The following CEP112 variants were observed in gnomAD, a reference collection of about 807,000 sequenced individuals.
CEP112 encodes the protein centrosomal protein 112, also known as centrosomal protein of 112 kDa.
Under a neutral mutation model 153.0 loss-of-function variants are expected in CEP112, and 127 were observed. That is an observed-to-expected ratio of 0.83 (90% CI 0.72 to 0.96). CEP112 has a LOEUF of 0.96. Ranked by LOEUF, CEP112 falls within the 40% of genes least tolerant of loss-of-function variation. The pLI is 0.00. For missense variants in CEP112, 1,089 were observed against 1,101.2 expected (o/e 0.99, Z 0.16); for synonymous variants, 358 against 374.4 (o/e 0.96, Z 0.51).
chr17:65,835,979 G>A (rs150548522), intron 21 of CEP112, among the ~76,000 whole-genome samples: 76 of 152,258 alleles, frequency 5.0e-4, no homozygotes, highest in African/African-American at 1.8e-3. Flanking sequence ...GTGGTGAAGG[G>A]GATGCTGTTA....
At chr17:66,050,993 A>G (rs2066414269) in intron 12 of CEP112, among the ~76,000 whole-genome samples, 1 of 151,974 alleles carries the variant, frequency 6.6e-6, no homozygotes, top group South Asian at 2.1e-4. Flanking sequence ...CAAATGTGTT[A>G]ATTTTTTCTT....
At chr17:65,754,054 T>C (rs530470001) in intron 21 of CEP112, among the ~76,000 whole-genome samples, 6 of 152,136 alleles carry the variant, frequency 3.9e-5, no homozygotes, top group Non-Finnish European at 7.4e-5. Context: ...ATCTAGAGAG[T>C]AAACAAAGTA....
At chr17:65,992,852 C>T (rs969739349) in intron 17 of CEP112, among the ~76,000 whole-genome samples, 37 of 152,206 alleles carry the variant, frequency 2.4e-4, no homozygotes, top group African/African-American at 8.7e-4. Context: ...CTAGCTCTCC[C>T]TGTCTACCAA....
At chr17:65,833,390 C>T (rs930202509) in intron 21 of CEP112, among the ~76,000 whole-genome samples, 10 of 152,178 alleles carry the variant, frequency 6.6e-5, no homozygotes, top group East Asian at 3.9e-4. Context: ...AAAGGACATC[C>T]GAATAAGAAA....
intron 16 of CEP112, among the ~76,000 whole-genome samples, chr17:66,024,663 A>G (rs893681593): frequency 4.6e-5 from 7 of 152,182 alleles, no homozygotes; most frequent in African/African-American, 1.7e-4. Context: ...AAACAAATGG[A>G]AAAACATCTC....
At chr17:65,924,655 G>A (rs2060856616) in intron 19 of CEP112, among the ~76,000 whole-genome samples, 1 of 152,132 alleles carries the variant, frequency 6.6e-6, no homozygotes, top group Non-Finnish European at 1.5e-5. Flanking sequence ...GCTCCTTTCT[G>A]TGGTGATTAC....
intron 21 of CEP112, chr17:65,751,081 G>A: frequency 5.1e-6 from 1 of 195,344 alleles, no homozygotes; most frequent in Non-Finnish European, 1.0e-5. Flanking sequence ...GGGAAGTGAA[G>A]GAAGAAGAAA....
intron 24 of CEP112, among the ~76,000 whole-genome samples, chr17:65,655,838 A>C (rs576870841): frequency 6.6e-6 from 1 of 152,328 alleles, no homozygotes; most frequent in South Asian, 2.1e-4. Flanking sequence ...TTTTGCATAT[A>C]AGCAATACCC....
chr17:65,729,124 A>G (rs994344314), intron 23 of CEP112, among the ~76,000 whole-genome samples: 1 of 152,078 alleles, frequency 6.6e-6, no homozygotes, highest in African/African-American at 2.4e-5. Context: ...GTTTTTCTTT[A>G]TATCCTTATT....
At chr17:65,790,159 G>T (rs2054510599) in intron 21 of CEP112, among the ~76,000 whole-genome samples, 1 of 152,188 alleles carries the variant, frequency 6.6e-6, no homozygotes, top group African/African-American at 2.4e-5. Context: ...GGAAGGCAGA[G>T]CTTCTAGACA....
chr17:66,054,827 G>A (rs371027781), intron 11 of CEP112, among the ~76,000 whole-genome samples: 2 of 152,152 alleles, frequency 1.3e-5, no homozygotes, highest in African/African-American at 4.8e-5. Context: ...TGCAATCTCG[G>A]CTCAGTGCAA....
intron 24 of CEP112, among the ~76,000 whole-genome samples, chr17:65,648,815 C>T (rs775642927): frequency 6.6e-6 from 1 of 152,118 alleles, no homozygotes; most frequent in Non-Finnish European, 1.5e-5. Context: ...CTCTGGGAGG[C>T]CGAGGTGGGT....
chr17:65,773,016 C>A (rs560509550), intron 21 of CEP112, among the ~76,000 whole-genome samples: 113 of 152,120 alleles, frequency 7.4e-4, no homozygotes, highest in Non-Finnish European at 1.4e-3. Flanking sequence ...TGAATCTAAA[C>A]CTCTCAAAAA....
At chr17:66,067,636 TA>T (rs1477257780) in intron 9 of CEP112, among the ~76,000 whole-genome samples, 3 of 152,178 alleles carry the variant, frequency 2.0e-5, no homozygotes, top group African/African-American at 7.2e-5. Context: ...CCCCAAACTG[TA>T]AAAATTATAT....
chr17:65,650,621 A>T (rs1311243280), intron 24 of CEP112, among the ~76,000 whole-genome samples: 1 of 150,224 alleles, frequency 6.7e-6, no homozygotes, highest in African/African-American at 2.5e-5. Context: ...ACTGGCCAGG[A>T]GCGGTGGCTC....
At chr17:65,948,284 G>A (rs2061707650) in intron 18 of CEP112, among the ~76,000 whole-genome samples, 1 of 152,056 alleles carries the variant, frequency 6.6e-6, no homozygotes, top group Non-Finnish European at 1.5e-5. Flanking sequence ...TCTAATGACT[G>A]TTAAAAAGAA....
chr17:65,968,957 T>C (rs1047379109), intron 17 of CEP112, among the ~76,000 whole-genome samples: 4 of 152,206 alleles, frequency 2.6e-5, no homozygotes, highest in Admixed American at 1.3e-4. Context: ...TCTAGAGTAT[T>C]TGAAAGCTAA....
intron 24 of CEP112, 40 bp downstream of exon 24, chr17:65,689,089 G>T: frequency 7.0e-7 from 1 of 1,429,824 alleles, no homozygotes; most frequent in South Asian, 1.1e-5. Flanking sequence ...TTGACCTAGA[G>T]AAAGTAAACA....
At chr17:65,989,538 G>A (rs2063522413) in intron 17 of CEP112, among the ~76,000 whole-genome samples, 1 of 150,978 alleles carries the variant, frequency 6.6e-6, no homozygotes, top group Non-Finnish European at 1.5e-5. Context: ...CAAATATGAA[G>A]GGGAAATAAA....
Sources: allele counts gnomAD v4.1 joint callset (sites outside exome capture counted in the v4.1 genomes callset), GRCh38; gene constraint gnomAD v4.1.1; transcripts MANE v1.5; gene names NCBI Gene and HGNC (gene_info 2026-07-23, HGNC 2026-07-21).